C2orf74: variants seen among roughly 807,000 people sequenced by gnomAD.
C2orf74 encodes the protein DPM1 ER membrane anchor 1.
A neutral mutation model predicts 17.9 loss-of-function variants in C2orf74; 14 were observed. The observed-to-expected ratio is 0.78, with a 90% confidence interval of 0.52 to 1.22. C2orf74 has a LOEUF of 1.22. Ranked by LOEUF, C2orf74 falls within the 50% of genes most tolerant of loss-of-function variation. The pLI, the probability that C2orf74 is intolerant of heterozygous loss-of-function variation, is 0.00. For missense variants in C2orf74, 217 were observed against 218.4 expected (o/e 0.99, Z 0.04); for synonymous variants, 79 against 72.6 (o/e 1.09, Z -0.44).
chr2:61,147,261 C>G (rs1312560172), intron 1 of C2orf74, among the ~76,000 whole-genome samples: 1 of 151,458 alleles, frequency 6.6e-6, no homozygotes, highest in Non-Finnish European at 1.5e-5. Flanking sequence ...GTTGCCGAGA[C>G]TGCACAATGG....
upstream of C2orf74, chr2:61,157,776 CT>C (rs1685435360): frequency 2.3e-6 from 1 of 433,632 alleles, no homozygotes; most frequent in African/African-American, 2.0e-5. Flanking sequence ...TCCACTGCCC[CT>C]AGTTTCCAAA....
intron 1 of C2orf74, among the ~76,000 whole-genome samples, chr2:61,147,624 C>T (rs184331116): frequency 7.3e-4 from 111 of 152,240 alleles, no homozygotes; most frequent in African/African-American, 1.5e-3. Context: ...ATTGCCCATT[C>T]GTCCTTTGTC....
chr2:61,163,411 C>T (rs967597357), intron 4 of C2orf74, among the ~76,000 whole-genome samples, 179 bp downstream of exon 4: 2 of 152,010 alleles, frequency 1.3e-5, no homozygotes, highest in Admixed American at 6.6e-5. Context: ...CGAGACCAGC[C>T]TGGCCAACAT....
Position 61,163,133 on chromosome 2 carries a change from C to A in C2orf74, c.291C>A (p.Ala97=). ...LVQRQSKEVL[A]TPLENRRDME... ...AGAGACAGAGTAAGGAAGTGTTGGCCACACCCTTAGAAAACAGAAGGGACA... is the reference window on the plus strand; with the variant it reads ...AGAGACAGAGTAAGGAAGTGTTGGCAACACCCTTAGAAAACAGAAGGGACA... Residue 97 remains alanine (A), a synonymous_variant, in exon 4 of 5, where the codon GCC becomes GCA. Transcript: ENST00000432605. 1 of 1,552,138 alleles carries A rather than the reference C, an allele frequency of 6.4e-7. No homozygotes were observed. Among genetic ancestry groups the A allele is most frequent in the Non-Finnish European group, 8.7e-7 (1 of 1,147,064 alleles).
upstream of C2orf74, among the ~76,000 whole-genome samples, chr2:61,159,609 T>G (rs1201770701): frequency 6.6e-6 from 1 of 152,164 alleles, no homozygotes; most frequent in Non-Finnish European, 1.5e-5. Context: ...AACTAAGTCT[T>G]AAAAGGATTG....
upstream of C2orf74, among the ~76,000 whole-genome samples, chr2:61,159,020 C>T (rs560558117): frequency 4.6e-5 from 7 of 151,144 alleles, no homozygotes; most frequent in African/African-American, 1.5e-4. Flanking sequence ...TGTTTTGAGA[C>T]GGGGTCTCAC....
At chr2:61,158,158 TA>T (rs1248483177), upstream of C2orf74, 1 of 367,570 alleles carries the variant, frequency 2.7e-6, no homozygotes, top group East Asian at 7.3e-5. Flanking sequence ...CCTGAAATTC[TA>T]CCCAGACTGT....
chr2:61,149,446 T>C (rs1685160209), intron 1 of C2orf74, among the ~76,000 whole-genome samples: 1 of 152,102 alleles, frequency 6.6e-6, no homozygotes, highest in African/African-American at 2.4e-5. Context: ...TCAGAAAAAC[T>C]TTTGGCCCTT....
chr2:61,148,914 T>A (rs1685144952), intron 1 of C2orf74, among the ~76,000 whole-genome samples: 2 of 152,076 alleles, frequency 1.3e-5, no homozygotes, highest in Admixed American at 6.6e-5. Context: ...ACGGGGATGT[T>A]GATAATAGGG....
chr2:61,161,686 A>T (rs914162662), upstream of C2orf74: 10 of 152,206 alleles, frequency 6.6e-5, no homozygotes, highest in African/African-American at 2.4e-4. Context: ...ATTGGTCTAT[A>T]GCTTTCTTTT....
intron 1 of C2orf74, among the ~76,000 whole-genome samples, chr2:61,155,615 C>T (rs948382899): frequency 9.2e-5 from 14 of 151,926 alleles, no homozygotes; most frequent in African/African-American, 1.7e-4. Flanking sequence ...CCACCTCCTG[C>T]GTTCACTCTA....
At chr2:61,146,441 A>G (rs578043658) in intron 1 of C2orf74, among the ~76,000 whole-genome samples, 13 of 152,224 alleles carry the variant, frequency 8.5e-5, no homozygotes, top group Admixed American at 4.6e-4. Flanking sequence ...AGACTTCTCA[A>G]TGTATTCCTC....
Position 61,164,789 on chromosome 2 carries a change from T to TGGCATGTGAATAAA in C2orf74, c.*263_*264insGCATGTGAATAAAG, listed in dbSNP as rs1310702104. The TGGCATGTGAATAAA allele has an allele frequency of 3.7e-6, 1 of 267,286 alleles. No homozygotes were observed. The highest frequency in any genetic ancestry group is 7.0e-6 in the Non-Finnish European group (1 of 143,208). 16.6% of individuals were successfully genotyped at this position (267,286 alleles called of 1,614,324 possible). A position where few individuals can be genotyped will look rare whatever the true frequency, so the allele number is the denominator to read the frequency against. ...CCCTTAAAACTATCTACTCAAACACTGTTCTGGCATGTGAATAAAGTGATT... is the reference window on the plus strand; with the variant it reads ...CCCTTAAAACTATCTACTCAAACACTGGCATGTGAATAAAGTTCTGGCATGTGAATAAAGTGATT... On this transcript the variant is annotated 3_prime_UTR_variant, in exon 5 of 5. Transcript: ENST00000432605.
intron 1 of C2orf74, among the ~76,000 whole-genome samples, chr2:61,147,499 G>A (rs552445565): frequency 2.0e-5 from 3 of 152,238 alleles, no homozygotes; most frequent in Admixed American, 2.0e-4. Context: ...GTCCTCACCA[G>A]TTCTTAGAAT....
chr2:61,162,687 T>G, intron 2 of C2orf74, 78 bp downstream of exon 2: 1 of 1,114,828 alleles, frequency 9.0e-7, no homozygotes, highest in East Asian at 2.6e-5. Flanking sequence ...GTAAAACAAT[T>G]TAAAACAGAA....
In C2orf74 at chr2:61,164,690, G is replaced by C. The variant is rs556767427; in HGVS notation, c.*163G>C. 17 of 516,562 alleles carry C rather than the reference G, an allele frequency of 3.3e-5. No individual in the cohort carries two copies. The highest frequency in any genetic ancestry group is 1.6e-4 in the Admixed American group (4 of 24,310). 32.0% of individuals were successfully genotyped at this position (516,562 alleles called of 1,614,324 possible). A position where few individuals can be genotyped will look rare whatever the true frequency, so the allele number is the denominator to read the frequency against. Reference sequence around the variant, plus strand: ...AGGAGTGAGCCATGTGCAAAATTCTGTAAGTAAAATACTTAGAGCTTGAAT... The same window carrying C: ...AGGAGTGAGCCATGTGCAAAATTCTCTAAGTAAAATACTTAGAGCTTGAAT... On this transcript the variant is annotated 3_prime_UTR_variant, in exon 5 of 5. Transcript: ENST00000432605.
In C2orf74 at chr2:61,162,423, A is replaced by T; in HGVS notation, c.-92A>T. The T allele has an allele frequency of 1.0e-6, 1 of 964,496 alleles. No homozygotes were observed. The highest frequency in any genetic ancestry group is 1.6e-6 in the Non-Finnish European group (1 of 640,892). The allele number at this position is 964,496 out of a possible 1,614,324, so 59.7% of individuals were successfully genotyped here. ...TTATTCCTCTGTTTCTAGAAAACTT[A>T]AAGAACAAGAGAACTGCATTCAAAT... On this transcript the variant is annotated 5_prime_UTR_variant, in exon 2 of 5. An upstream open reading frame in the 5' UTR loses its in-frame stop. Coordinates refer to ENST00000432605, the MANE Select transcript of C2orf74 (RefSeq NM_001143959.4).
At position 61,162,941 on chromosome 2, in the gene C2orf74, A is replaced by C; in HGVS notation, c.195A>C (p.Pro65=). ...CAAAKVVTSN[P]EDHERILMQV... ...CTGCCAAAGTGGTGACAAGCAATCC[A>C]GAGGACCATGAAAGGCGAGTGTGGT... The change falls in exon 3 of 5, where the codon CCA becomes CCC. Residue 65 remains proline, a synonymous_variant. Coordinates refer to ENST00000432605, the MANE Select transcript of C2orf74 (RefSeq NM_001143959.4). 1 of 1,552,600 alleles carries C rather than the reference A, an allele frequency of 6.4e-7. No individual in the cohort carries two copies. Among genetic ancestry groups the C allele is most frequent in the Non-Finnish European group, 8.7e-7 (1 of 1,147,160 alleles).
chr2:61,162,824 T>C lies in C2orf74; in HGVS notation c.96-18T>C. 6.5e-7 allele frequency: 1 copy of C among 1,543,144 alleles called. No homozygotes were observed. Among genetic ancestry groups the C allele is most frequent in the Non-Finnish European group, 8.8e-7 (1 of 1,139,098 alleles). On this transcript the variant is annotated intron_variant, in intron 2 of 4. Coordinates refer to ENST00000432605, the MANE Select transcript of C2orf74 (RefSeq NM_001143959.4). ...GGCCATTCTTCCTTTTCTGAATTTGTGGCTTGTTTGTTTTCAGTTTCCAAG... is the reference window on the plus strand; with the variant it reads ...GGCCATTCTTCCTTTTCTGAATTTGCGGCTTGTTTGTTTTCAGTTTCCAAG...
Sources: gnomAD v4.1 joint callset for allele counts (sites outside exome capture counted in the v4.1 genomes callset) on GRCh38, gnomAD v4.1.1 for gene constraint, MANE v1.5 for transcripts, NCBI Gene and HGNC (gene_info 2026-07-23, HGNC 2026-07-21) for gene names.